The following HSPA4L variants were observed in gnomAD, a reference collection of about 807,000 sequenced individuals.
The protein encoded by HSPA4L is heat shock 70 kDa protein 4L.
In HSPA4L, 48 loss-of-function variants were observed where a neutral mutation model predicts 100.3. The ratio of observed to expected loss-of-function variants is 0.48; its 90% CI spans 0.38 to 0.61. The LOEUF is 0.61. Ranked by LOEUF, HSPA4L falls within the 20% of genes least tolerant of loss-of-function variation. The pLI is 0.00. For synonymous variants in HSPA4L, 319 were observed against 328.2 expected, an observed-to-expected ratio of 0.97 and a Z score of 0.30; for missense variants, 886 against 988.6, an observed-to-expected ratio of 0.90 and a Z score of 1.39.
intron 16 of HSPA4L, among the ~76,000 whole-genome samples, chr4:127,826,936 G>GT (rs1213834600): frequency 2.0e-5 from 3 of 152,044 alleles, no homozygotes; most frequent in African/African-American, 4.8e-5. Context: ...ATGATTTTGA[G>GT]TATTTGATAC....
intron 1 of HSPA4L, among the ~76,000 whole-genome samples, chr4:127,790,454 T>C (rs1055056619): frequency 2.6e-5 from 4 of 152,220 alleles, no homozygotes; most frequent in African/African-American, 9.6e-5. Context: ...AGAGAATATG[T>C]TGAATCAAGG....
At chr4:127,813,350 C>T (rs1733591487) in intron 12 of HSPA4L, 2 of 602,986 alleles carry the variant, frequency 3.3e-6, no homozygotes, top group Non-Finnish European at 5.8e-6. Context: ...CAGAATTCAA[C>T]CACTAGACTT....
At chr4:127,818,059 T>G (rs1733717850) in intron 12 of HSPA4L, among the ~76,000 whole-genome samples, 1 of 152,102 alleles carries the variant, frequency 6.6e-6, no homozygotes. Flanking sequence ...TTTGTAAATT[T>G]GGCTTGAGAA....
At chr4:127,819,213 T>C (rs1046378537) in intron 13 of HSPA4L, among the ~76,000 whole-genome samples, 1 of 152,190 alleles carries the variant, frequency 6.6e-6, no homozygotes, top group African/African-American at 2.4e-5. Flanking sequence ...GGATAAATGA[T>C]TTATTGAGAG....
chr4:127,827,175 G>C (rs891686320), intron 16 of HSPA4L, 130 bp from the exon 17 acceptor site: 26 of 710,170 alleles, frequency 3.7e-5, no homozygotes, highest in Admixed American at 8.8e-5. Context: ...CTTCCATACA[G>C]GAAAATAAGA....
intron 9 of HSPA4L, among the ~76,000 whole-genome samples, chr4:127,805,458 TG>T (rs1181688497): frequency 5.3e-5 from 8 of 152,170 alleles, no homozygotes; most frequent in Admixed American, 2.0e-4. Flanking sequence ...TATTGCAGTC[TG>T]CCCATTTAAA....
At chr4:127,816,819 T>C (rs1733681318) in intron 12 of HSPA4L, among the ~76,000 whole-genome samples, 1 of 152,218 alleles carries the variant, frequency 6.6e-6, no homozygotes, top group South Asian at 2.1e-4. Flanking sequence ...TAGAAATAAC[T>C]ACTTAATCTG....
At chr4:127,783,040 C>T (rs1732611223) in intron 1 of HSPA4L, among the ~76,000 whole-genome samples, 1 of 152,136 alleles carries the variant, frequency 6.6e-6, no homozygotes, top group South Asian at 2.1e-4. Context: ...ACGAGGTTTA[C>T]GTGGGATTAT....
intron 4 of HSPA4L, 41 bp from the exon 5 acceptor site, chr4:127,801,097 T>G: frequency 7.0e-7 from 1 of 1,436,290 alleles, no homozygotes; most frequent in East Asian, 2.3e-5. Context: ...ACAAAATGTT[T>G]ACATAAAACA....
chr4:127,799,738 G>T lies in HSPA4L; in HGVS notation c.429+1029G>T, dbSNP rs187940871. On this transcript the variant is annotated intron_variant, in intron 4 of 18. Transcript: ENST00000296464. ...CAAACTTTTGACCATTATTAACTTT[G>T]TGGTTGGTGCAGTAGACCCATTGTA... Among the ~76,000 whole-genome samples, 748 of 152,268 alleles carry T rather than the reference G, an allele frequency of 4.9e-3. 4 individuals are homozygous for T. Among genetic ancestry groups the T allele is most frequent in the Middle Eastern group, 0.044 (13 of 294 alleles).
At chr4:127,825,132 T>TCC (rs1396479851) in intron 16 of HSPA4L, among the ~76,000 whole-genome samples, 1 of 148,348 alleles carries the variant, frequency 6.7e-6, no homozygotes, top group Non-Finnish European at 1.5e-5. Context: ...AGAATGAGAC[T>TCC]CCATCTCAAA....
intron 12 of HSPA4L, among the ~76,000 whole-genome samples, chr4:127,817,476 A>G (rs1026608620): frequency 1.3e-5 from 2 of 152,184 alleles, no homozygotes; most frequent in Admixed American, 6.5e-5. Context: ...CTACATTTCA[A>G]GCTTTCTTCA....
chr4:127,788,134 T>C (rs1478338591), intron 1 of HSPA4L, among the ~76,000 whole-genome samples: 1 of 152,092 alleles, frequency 6.6e-6, no homozygotes, highest in East Asian at 1.9e-4. Context: ...TTAATGTAGC[T>C]AGTATACCTA....
chr4:127,797,158 T>C (rs924410830), intron 3 of HSPA4L, among the ~76,000 whole-genome samples: 1 of 152,112 alleles, frequency 6.6e-6, no homozygotes, highest in Admixed American at 6.5e-5. Flanking sequence ...TAAATCCATA[T>C]TTTAGGTGAA....
At chr4:127,823,978 ATGT>A (rs761687332) in intron 16 of HSPA4L, among the ~76,000 whole-genome samples, 12 of 152,192 alleles carry the variant, frequency 7.9e-5, no homozygotes, top group African/African-American at 2.9e-4. Context: ...TCTAATTCAA[ATGT>A]TGTGTCCTTT....
chr4:127,815,411 T>C (rs993630602), intron 12 of HSPA4L, among the ~76,000 whole-genome samples: 3 of 151,828 alleles, frequency 2.0e-5, no homozygotes, highest in Non-Finnish European at 4.4e-5. Context: ...AAGCCCCGGG[T>C]ACTTTGGTTT....
In HSPA4L at chr4:127,835,203, G is replaced by A. The variant is rs1382376298; in HGVS notation, c.*2329G>A. ...ATTTTAAAAGATGCATAGTAAAACA[G>A]TGTTTTCCTATGGTAAGCAAATAAG... On this transcript the variant is annotated 3_prime_UTR_variant, in exon 19 of 19. Coordinates refer to ENST00000296464, the MANE Select transcript of HSPA4L (RefSeq NM_014278.4). 2.8e-5 allele frequency: 4 copies of A among 143,380 alleles called. No individual in the cohort carries two copies. The highest frequency in any genetic ancestry group is 6.0e-5 in the Non-Finnish European group (4 of 66,126). The allele number at this position is 143,380 out of a possible 1,614,324, so 8.9% of individuals were successfully genotyped here.
chr4:127,795,474 A>C lies in HSPA4L; in HGVS notation c.166-294A>C, dbSNP rs1414293733. On this transcript the variant is annotated intron_variant, in intron 2 of 18. Coordinates refer to ENST00000296464, the MANE Select transcript of HSPA4L (RefSeq NM_014278.4). The stretch of plus-strand genomic sequence containing the variant: ...GAGGAAAACCAAAAAGATGAGTTGT[A>C]GATATTTGTAATTTGAAACGTTTTA... Among the ~76,000 whole-genome samples, 14 of 152,160 alleles carry C rather than the reference A, an allele frequency of 9.2e-5. 1 individual carries two copies. The highest frequency in any genetic ancestry group is 8.5e-4 in the Admixed American group (13 of 15,282).
Position 127,812,449 on chromosome 4 carries a change from A to G in HSPA4L, c.1578+813A>G, listed in dbSNP as rs528548639. On this transcript the variant is annotated intron_variant, in intron 12 of 18. Transcript: ENST00000296464. ...AAAAAAAAACAGATTTTTTAACTTT[A>G]TTAAAGAGTTATGTGACCTGAATTT... 7.3e-5 allele frequency among the ~76,000 whole-genome samples: 11 copies of G among 151,092 alleles called. No homozygotes were observed. In the South Asian group the frequency reaches 1.7e-3, roughly 23 times the overall value.
Sources: allele counts gnomAD v4.1 joint callset (sites outside exome capture counted in the v4.1 genomes callset), GRCh38; gene constraint gnomAD v4.1.1; transcripts MANE v1.5; gene names NCBI Gene and HGNC (gene_info 2026-07-23, HGNC 2026-07-21).